Variants in MIPOL1 observed in about 807,000 individuals in gnomAD.
MIPOL1 encodes mirror-image polydactyly 1.
Under a neutral mutation model 60.9 loss-of-function variants are expected in MIPOL1, and 57 were observed. The observed-to-expected ratio is 0.94, with a 90% confidence interval of 0.76 to 1.17. The LOEUF is 1.17. Ranked by LOEUF, MIPOL1 falls within the 50% of genes most tolerant of loss-of-function variation. The probability of loss-of-function intolerance (pLI) is 0.00; values close to 1 mark genes in which losing one functional copy is unlikely to be tolerated. For synonymous variants in MIPOL1, 179 were observed against 168.8 expected, an observed-to-expected ratio of 1.06 and a Z score of -0.47; for missense variants, 551 against 511.6, an observed-to-expected ratio of 1.08 and a Z score of -0.74.
chr14:37,338,408 C>A (rs1415775364), intron 9 of MIPOL1, among the ~76,000 whole-genome samples: 3 of 19,678 alleles, frequency 1.5e-4, no homozygotes, highest in African/African-American at 3.0e-4. Context: ...CCGCGCCTGG[C>A]CCCCCCTTTT....
At chr14:37,491,908 T>C (rs538929745) in intron 11 of MIPOL1, among the ~76,000 whole-genome samples, 2 of 152,368 alleles carry the variant, frequency 1.3e-5, no homozygotes, top group South Asian at 4.1e-4. Context: ...CCATTCTGAA[T>C]ATATTTCCCT....
intron 7 of MIPOL1, 149 bp downstream of exon 7, chr14:37,285,596 CTTTT>C (rs767127738): frequency 1.8e-5 from 11 of 613,208 alleles, no homozygotes; most frequent in Non-Finnish European, 2.2e-5. Context: ...TTTTTCTTTT[CTTTT>C]TTTTTTTTTG....
intron 7 of MIPOL1, among the ~76,000 whole-genome samples, chr14:37,295,583 G>C (rs904028608): frequency 1.3e-5 from 2 of 152,020 alleles, no homozygotes; most frequent in Non-Finnish European, 2.9e-5. Context: ...GACACACATA[G>C]GCTCAAAATA....
chr14:37,272,203 A>G (rs1257132882), intron 6 of MIPOL1, among the ~76,000 whole-genome samples: 3 of 151,632 alleles, frequency 2.0e-5, no homozygotes, highest in African/African-American at 4.8e-5. Context: ...CTGGAACAAA[A>G]CAATCTAGTT....
In MIPOL1 at chr14:37,215,196, C is replaced by T. The variant is rs77282895; in HGVS notation, c.-199+17092C>T. Among the ~76,000 whole-genome samples, 1,522 of 152,234 alleles carry T rather than the reference C, an allele frequency of 1.0e-2. 21 individuals are homozygous for T. Among genetic ancestry groups the T allele is most frequent in the African/African-American group, 0.035 (1,442 of 41,548 alleles). ...GGAAGGGCCCCCTGTCCAATGGACA[C>T]GTGACCAATGTGACCTTACCTATCA... On this transcript the variant is annotated intron_variant, in intron 1 of 12. Coordinates refer to ENST00000684589, the MANE Select transcript of MIPOL1 (RefSeq NM_001388067.1).
chr14:37,524,354 A>G (rs962056866), intron 12 of MIPOL1, among the ~76,000 whole-genome samples: 1 of 152,136 alleles, frequency 6.6e-6, no homozygotes, highest in Non-Finnish European at 1.5e-5. Flanking sequence ...CTTTCTGGAA[A>G]GATACAGGGT....
At chr14:37,417,863 A>G (rs2093800111) in intron 10 of MIPOL1, among the ~76,000 whole-genome samples, 1 of 152,276 alleles carries the variant, frequency 6.6e-6, no homozygotes, top group South Asian at 2.1e-4. Context: ...AAAATAAGCA[A>G]TGTTTTCTGG....
chr14:37,420,106 AAAGC>A (rs1268274197), intron 10 of MIPOL1, among the ~76,000 whole-genome samples: 7 of 152,056 alleles, frequency 4.6e-5, no homozygotes, highest in Non-Finnish European at 2.9e-5. Flanking sequence ...GAAAAAAAAA[AAAGC>A]AAGGTGTGTA....
chr14:37,326,738 T>C (rs898873627), intron 9 of MIPOL1, among the ~76,000 whole-genome samples: 4 of 152,150 alleles, frequency 2.6e-5, no homozygotes, highest in Admixed American at 2.6e-4. Flanking sequence ...TGAGGAGTGA[T>C]AGGAATGTCT....
At chr14:37,427,401 G>A (rs1433489805) in intron 11 of MIPOL1, among the ~76,000 whole-genome samples, 5 of 152,090 alleles carry the variant, frequency 3.3e-5, no homozygotes, top group South Asian at 2.1e-4. Context: ...GAGGTTACCC[G>A]GAGTTGGAGA....
At chr14:37,224,309 A>T (rs1163345325) in intron 1 of MIPOL1, among the ~76,000 whole-genome samples, 1 of 152,138 alleles carries the variant, frequency 6.6e-6, no homozygotes, top group Non-Finnish European at 1.5e-5. Context: ...GCAAGACCCC[A>T]TCTTTACCAA....
intron 11 of MIPOL1, among the ~76,000 whole-genome samples, chr14:37,446,929 T>TG (rs2153571249): frequency 8.5e-6 from 1 of 117,426 alleles, no homozygotes; most frequent in South Asian, 2.7e-4. Flanking sequence ...TGTTGTGGGG[T>TG]GGGGGGAGTG....
intron 12 of MIPOL1, among the ~76,000 whole-genome samples, chr14:37,516,676 T>G (rs1274553851): frequency 6.6e-6 from 1 of 152,198 alleles, no homozygotes; most frequent in African/African-American, 2.4e-5. Flanking sequence ...CTTTATTTGC[T>G]ATGACTTTAG....
intron 1 of MIPOL1, among the ~76,000 whole-genome samples, chr14:37,226,540 GA>G (rs2153294466): frequency 6.6e-6 from 1 of 152,278 alleles, no homozygotes; most frequent in East Asian, 1.9e-4. Flanking sequence ...CAGTATGGGG[GA>G]AACCACCCCC....
At chr14:37,408,975 G>A (rs535586299) in intron 10 of MIPOL1, among the ~76,000 whole-genome samples, 6 of 152,234 alleles carry the variant, frequency 3.9e-5, no homozygotes, top group South Asian at 4.1e-4. Context: ...CCACAGCTGC[G>A]CTAAGAAAAC....
intron 9 of MIPOL1, among the ~76,000 whole-genome samples, chr14:37,342,042 C>A (rs1373466762): frequency 6.6e-6 from 1 of 152,068 alleles, no homozygotes; most frequent in Non-Finnish European, 1.5e-5. Context: ...TTATTTCTCA[C>A]CAAGAGTTGA....
At position 37,530,384 on chromosome 14, in the gene MIPOL1, T is replaced by TC. The variant is rs749559413; in HGVS notation, c.1263-16520dup. Among the ~76,000 whole-genome samples, 176 of 152,234 alleles carry TC rather than the reference T, an allele frequency of 1.2e-3. 1 individual carries two copies. Among genetic ancestry groups the TC allele is most frequent in the Admixed American group, 2.0e-3 (31 of 15,288 alleles). On this transcript the variant is annotated intron_variant, in intron 12 of 12. Coordinates refer to ENST00000684589, the MANE Select transcript of MIPOL1 (RefSeq NM_001388067.1). ...TACGGCCAGATGGCAGATATAAAACTCATCAAAATTGGCTTCTAGAAACTG... is the reference window on the plus strand; with the variant it reads ...TACGGCCAGATGGCAGATATAAAACTCCATCAAAATTGGCTTCTAGAAACTG...
chr14:37,248,730 G>C (rs1363075812), intron 3 of MIPOL1, among the ~76,000 whole-genome samples: 1 of 152,042 alleles, frequency 6.6e-6, no homozygotes, highest in Middle Eastern at 3.2e-3. Context: ...AGTAAGGAGA[G>C]AGAGTAGAGA....
intron 9 of MIPOL1, among the ~76,000 whole-genome samples, chr14:37,317,986 A>G (rs8011118): frequency 0.22 from 33,324 of 152,162 alleles, 4,128 homozygotes; most frequent in South Asian, 0.36. Context: ...AGAAGATAAT[A>G]TAATGACACA....
Sources: gnomAD v4.1 joint callset for allele counts (sites outside exome capture counted in the v4.1 genomes callset) on GRCh38, gnomAD v4.1.1 for gene constraint, MANE v1.5 for transcripts, NCBI Gene and HGNC (gene_info 2026-07-23, HGNC 2026-07-21) for gene names.